Variants in MAP3K6 observed in about 807,000 individuals in gnomAD.
MAP3K6 encodes the protein mitogen-activated protein kinase kinase kinase 6.
In MAP3K6, 105 loss-of-function variants were observed where a neutral mutation model predicts 147.1. The ratio of observed to expected loss-of-function variants is 0.71; its 90% CI spans 0.61 to 0.84. The LOEUF (loss-of-function observed/expected upper bound fraction) is 0.84, where lower values mean the gene tolerates loss of function less well. Among genes scored for constraint, MAP3K6 ranks in the 40% least tolerant of loss-of-function variants. The pLI is 0.00. For synonymous variants in MAP3K6, 695 were observed against 732.4 expected (o/e 0.95, Z 0.82); for missense variants, 1,569 against 1,715.0 (o/e 0.91, Z 1.50).
rs1410541610 is a variant in MAP3K6, at chr1:27,362,228, CA to C, written c.1277del (p.Leu426ArgfsTer52). On this transcript the variant is annotated frameshift_variant, in exon 9 of 29. Transcript: ENST00000357582. LOFTEE classifies it high-confidence loss of function. ...RLIGMKLGCL[L>X]ARKGCVEKMQ... ...TCTTCTCCACGCAGCCTTTGCGGGCCAGCAGGCAGCCCAGCTTCATGCCTGG... is the reference window on the plus strand; with the variant it reads ...TCTTCTCCACGCAGCCTTTGCGGGCCGCAGGCAGCCCAGCTTCATGCCTGG... 1 of 1,612,370 alleles carries C rather than the reference CA, an allele frequency of 6.2e-7. No homozygotes were observed.
rs1244907737 is a variant in MAP3K6, at chr1:27,360,165, G to A, written c.2182+76C>T. On this transcript the variant is annotated intron_variant, in intron 16 of 28. Coordinates refer to ENST00000357582, the MANE Select transcript of MAP3K6 (RefSeq NM_004672.5). The surrounding 1 kb of genome is among the most constrained non-coding windows in gnomAD (Gnocchi z 4.5). ...ACGCACTAGGGTGCATTTCCCCCTA[G>A]GGCTCTCTACCCCTGCCTGCCTCGG... 11 of 1,594,732 alleles carry A rather than the reference G, an allele frequency of 6.9e-6. No homozygotes were observed. Among genetic ancestry groups the A allele is most frequent in the Admixed American group, 3.4e-5 (2 of 59,034 alleles).
Position 27,364,590 on chromosome 1 carries a change from G to A in MAP3K6, c.504+71C>T. The A allele has an allele frequency of 6.2e-7, 1 of 1,606,962 alleles. No individual in the cohort carries two copies. The highest frequency in any genetic ancestry group is 8.5e-7 in the Non-Finnish European group (1 of 1,173,602). ...GGTTAGGTGACTGAGGAGGCCAGGG[G>A]GATTAGTGGAGGTCAGAGGTCATAG... On this transcript the variant is annotated intron_variant, in intron 3 of 28. Transcript: ENST00000357582. This position sits in a 1 kb window ranked among gnomAD's most constrained non-coding sequence, Gnocchi z 4.4.
At chr1:27,363,342 C>T (rs980588394) in intron 6 of MAP3K6, 100 bp downstream of exon 6, 8 of 1,013,938 alleles carry the variant, frequency 7.9e-6, no homozygotes, top group East Asian at 2.5e-5. Context: ...GCAAATTCCC[C>T]GAACAGCAGT....
chr1:27,356,632 G>A lies in MAP3K6; in HGVS notation c.3482C>T (p.Pro1161Leu). Residue 1161 changes from proline (P) to leucine (L), a missense_variant, in exon 25 of 29, where the codon CCT becomes CTT. Pro to Leu is a moderately conservative substitution (Grantham distance 98). Transcript: ENST00000357582. ...LPVEPEQGPA[P>L]LMVQLSLLRA... Reference sequence around the variant, plus strand: ...CAAGAGGCTCAGCTGCACCATCAGAGGAGCGGGGCCCTGCTCGGGCTCCAC... The same window carrying A: ...CAAGAGGCTCAGCTGCACCATCAGAAGAGCGGGGCCCTGCTCGGGCTCCAC... 6.2e-7 allele frequency: 1 copy of A among 1,612,692 alleles called. No individual in the cohort carries two copies. Among genetic ancestry groups the A allele is most frequent in the Non-Finnish European group, 8.5e-7 (1 of 1,179,262 alleles).
At chr1:27,363,403 T>C in intron 6 of MAP3K6, 39 bp downstream of exon 6, 3 of 1,551,142 alleles carry the variant, frequency 1.9e-6, no homozygotes, top group African/African-American at 2.7e-5. Context: ...TTCGGAAACC[T>C]TTATGTGGCT....
Position 27,355,269 on chromosome 1 carries a change from C to G in MAP3K6, c.*122G>C, listed in dbSNP as rs767478100. 1.1e-6 allele frequency: 1 copy of G among 898,400 alleles called. No individual in the cohort carries two copies. Among genetic ancestry groups the G allele is most frequent in the South Asian group, 1.3e-5 (1 of 75,414 alleles). 55.7% of individuals were successfully genotyped at this position (898,400 alleles called of 1,614,324 possible). On this transcript the variant is annotated 3_prime_UTR_variant, in exon 29 of 29. Transcript: ENST00000357582. The stretch of plus-strand genomic sequence containing the variant: ...TCTCTCACTGGAACCAGTCCTGGGC[C>G]CCACTCGCCTGGCTTCCTCCAGTCG...
At position 27,364,364 on chromosome 1, in the gene MAP3K6, A is replaced by G. The variant is rs2015900771; in HGVS notation, c.535T>C (p.Tyr179His). The G allele has an allele frequency of 4.3e-6, 7 of 1,614,116 alleles. No individual in the cohort carries two copies. The highest frequency in any genetic ancestry group is 5.9e-6 in the Non-Finnish European group (7 of 1,180,032). The change falls in exon 4 of 29, where the codon TAT (tyrosine) becomes CAT (histidine). Residue 179 changes from tyrosine to histidine, a missense_variant. By Grantham distance (83) the Tyr-to-His change is moderately conservative. Coordinates refer to ENST00000357582, the MANE Select transcript of MAP3K6 (RefSeq NM_004672.5). This position sits in a 1 kb window ranked among gnomAD's most constrained non-coding sequence, Gnocchi z 4.4. ...ACCCGACCAGTGGCCGTCACCACAT[A>G]GGGGATCAGTGTGTAGCTGCCAACG... Reference protein sequence around the residue: ...DCVGSYTLIPYVVTATGRVLC... With the variant: ...DCVGSYTLIPHVVTATGRVLC...
intron 1 of MAP3K6, among the ~76,000 whole-genome samples, chr1:27,365,592 G>C (rs2015947030): frequency 6.6e-6 from 1 of 151,992 alleles, no homozygotes; most frequent in South Asian, 2.1e-4. Context: ...GACTCGCGGG[G>C]GAATAGCCTC....
intron 28 of MAP3K6, 32 bp downstream of exon 28, chr1:27,355,636 GC>G: frequency 6.2e-7 from 1 of 1,610,550 alleles, no homozygotes; most frequent in Non-Finnish European, 8.5e-7. Context: ...GAGGCCATAT[GC>G]ATGGTTCACA....
At position 27,358,691 on chromosome 1, in the gene MAP3K6, G is replaced by T. The variant is rs759999372; in HGVS notation, c.2583+18C>A. On this transcript the variant is annotated intron_variant, in intron 19 of 28. Coordinates refer to ENST00000357582, the MANE Select transcript of MAP3K6 (RefSeq NM_004672.5). The surrounding 1 kb of genome is among the most constrained non-coding windows in gnomAD (Gnocchi z 6.2). ...GGCCCTATGCCACTTCCATGGGCCAGGCCCAAAGAGGTCTCACCTGAAACA... is the reference window on the plus strand; with the variant it reads ...GGCCCTATGCCACTTCCATGGGCCATGCCCAAAGAGGTCTCACCTGAAACA... The T allele has an allele frequency of 2.5e-6, 4 of 1,613,620 alleles. No individual in the cohort carries two copies. Among genetic ancestry groups the T allele is most frequent in the Non-Finnish European group, 2.5e-6 (3 of 1,179,994 alleles).
Position 27,359,961 on chromosome 1 carries a change from C to T in MAP3K6, c.2216G>A (p.Gly739Glu), listed in dbSNP as rs2015684906. 2 of 1,613,936 alleles carry T rather than the reference C, an allele frequency of 1.2e-6. No homozygotes were observed. The highest frequency in any genetic ancestry group is 1.3e-5 in the African/African-American group (1 of 74,858). The change falls in exon 17 of 29, where the codon GGA becomes GAA. Residue 739 changes from glycine (G) to glutamate (E), a missense_variant. Transcript: ENST00000357582. This position sits in a 1 kb window ranked among gnomAD's most constrained non-coding sequence, Gnocchi z 4.4. ...GGTGCTCTCGTTGTCCTTCAGGGGT[C>T]CCCACACCGACCGCAGCAAGGAGGA... ...SLSSLLRSVW[G>E]PLKDNESTIS...
Position 27,362,838 on chromosome 1 carries a change from C to T in MAP3K6, c.1142+13G>A. 14 of 1,613,574 alleles carry T rather than the reference C, an allele frequency of 8.7e-6. No individual in the cohort carries two copies. Among genetic ancestry groups the T allele is most frequent in the Non-Finnish European group, 1.2e-5 (14 of 1,179,758 alleles). On this transcript the variant is annotated intron_variant, in intron 7 of 28. Transcript: ENST00000357582. Reference sequence around the variant, plus strand: ...CACAGCTTAGCCCACCGGCCACTCACTGTGCTCTTTACCAGTGATAGGCCT... The same window carrying T: ...CACAGCTTAGCCCACCGGCCACTCATTGTGCTCTTTACCAGTGATAGGCCT...
chr1:27,361,975 C>G, intron 9 of MAP3K6, 108 bp from the exon 10 acceptor site: 1 of 1,513,690 alleles, frequency 6.6e-7, no homozygotes, highest in Non-Finnish European at 8.9e-7. Flanking sequence ...GTGCCACGGG[C>G]ACTGGTCTAA....
At chr1:27,356,805 A>T in intron 24 of MAP3K6, 56 bp from the exon 25 acceptor site, 11 of 1,519,870 alleles carry the variant, frequency 7.2e-6, no homozygotes, top group African/African-American at 1.4e-5. Context: ...TGGGAACCCC[A>T]GACCCCAAAG....
chr1:27,363,788 C>T lies in MAP3K6; in HGVS notation c.864+129G>A, dbSNP rs1469969718. 4 of 980,180 alleles carry T rather than the reference C, an allele frequency of 4.1e-6. No homozygotes were observed. The African/African-American group carries it at 4.9e-5, about 12-fold the overall frequency. 60.7% of individuals were successfully genotyped at this position (980,180 alleles called of 1,614,324 possible). On this transcript the variant is annotated intron_variant, in intron 5 of 28. Transcript: ENST00000357582. ...TCATCCTCTCTAACAAATAAGGAGG[C>T]CAACACTCAGAGACATTGGATAATT...
At chr1:27,361,040 G>A (rs1437328272) in intron 13 of MAP3K6, 32 bp from the exon 14 acceptor site, 1 of 1,542,028 alleles carries the variant, frequency 6.5e-7, no homozygotes, top group Non-Finnish European at 8.8e-7. Flanking sequence ...CCCGCGGGAG[G>A]GGCATCTTGG....
In MAP3K6 at chr1:27,362,768, G is replaced by A; in HGVS notation, c.1143-15C>T. 2 of 1,612,212 alleles carry A rather than the reference G, an allele frequency of 1.2e-6. No individual in the cohort carries two copies. Among genetic ancestry groups the A allele is most frequent in the South Asian group, 1.1e-5 (1 of 90,928 alleles). On this transcript the variant is annotated splice_polypyrimidine_tract_variant and intron_variant, in intron 7 of 28. Transcript: ENST00000357582. ...CCTTGCGATACCTGGGGTGGGGGTA[G>A]GGGGCACAGGGCTGGACTGATGCCC... is the stretch of plus-strand genomic sequence containing the variant.
intron 7 of MAP3K6, 34 bp from the exon 8 acceptor site, chr1:27,362,787 G>A: frequency 6.2e-7 from 1 of 1,609,924 alleles, no homozygotes; most frequent in Non-Finnish European, 8.5e-7. Flanking sequence ...GGGCTGGACT[G>A]ATGCCCACAG....
Position 27,364,966 on chromosome 1 carries a change from G to A in MAP3K6, c.341-54C>T. ...CCCTGAAGCCCAGCTTGATGGGGAAGGAGCCGGGGTCCATCCTGGCTTGAC... is the reference window on the plus strand; with the variant it reads ...CCCTGAAGCCCAGCTTGATGGGGAAAGAGCCGGGGTCCATCCTGGCTTGAC... On this transcript the variant is annotated intron_variant, in intron 1 of 28. Transcript: ENST00000357582. This position sits in a 1 kb window ranked among gnomAD's most constrained non-coding sequence, Gnocchi z 4.4. The A allele has an allele frequency of 6.5e-7, 1 of 1,531,078 alleles. No individual in the cohort carries two copies. The highest frequency in any genetic ancestry group is 2.3e-5 in the East Asian group (1 of 43,936). 94.8% of individuals were successfully genotyped at this position (1,531,078 alleles called of 1,614,324 possible).
Sources: allele counts gnomAD v4.1 joint callset (sites outside exome capture counted in the v4.1 genomes callset), GRCh38; gene constraint gnomAD v4.1.1; non-coding constraint Gnocchi (gnomAD v3.1); transcripts MANE v1.5; gene names NCBI Gene and HGNC (gene_info 2026-07-23, HGNC 2026-07-21).